Variants in FBXO8 observed in about 807,000 individuals in gnomAD.
FBXO8 encodes F-box protein 8, also known as F-box only protein 8.
A neutral mutation model predicts 33.4 loss-of-function variants in FBXO8; 15 were observed. That is an observed-to-expected ratio of 0.45 (90% confidence interval 0.30 to 0.69). The LOEUF is 0.69. Among genes scored for constraint, FBXO8 ranks in the 30% least tolerant of loss-of-function variants. FBXO8 has a pLI of 0.08. For synonymous variants in FBXO8, 132 were observed against 131.5 expected (o/e 1.00, Z -0.02); for missense variants, 274 against 380.3 (o/e 0.72, Z 2.32).
At chr4:174,273,538 T>C (rs2126447562) in intron 1 of FBXO8, among the ~76,000 whole-genome samples, 1 of 152,194 alleles carries the variant, frequency 6.6e-6, no homozygotes, top group East Asian at 1.9e-4. Flanking sequence ...TTCCTAAACT[T>C]GATAACTGTG....
At position 174,247,137 on chromosome 4, in the gene FBXO8, C is replaced by T. The variant is rs779787074; in HGVS notation, c.457-5919G>A. Among the ~76,000 whole-genome samples, 1 of 151,880 alleles carries T rather than the reference C, an allele frequency of 6.6e-6. No homozygotes were observed. Among genetic ancestry groups the T allele is most frequent in the Non-Finnish European group, 1.5e-5 (1 of 67,930 alleles). On this transcript the variant is annotated intron_variant, in intron 3 of 5. Coordinates refer to ENST00000393674, the MANE Select transcript of FBXO8 (RefSeq NM_012180.3). This position sits in a 1 kb window ranked among gnomAD's most constrained non-coding sequence, Gnocchi z 4.6. Reference sequence around the variant, plus strand: ...TTCTAGAAAATTAGACATGCAAAGCCAAATGAAAAAGTACTGATAATTGGT... The same window carrying T: ...TTCTAGAAAATTAGACATGCAAAGCTAAATGAAAAAGTACTGATAATTGGT...
rs537420787 is a variant in FBXO8, at chr4:174,261,464, G to A, written c.329+1300C>T. On this transcript the variant is annotated intron_variant, in intron 2 of 5. Transcript: ENST00000393674. This position sits in a 1 kb window ranked among gnomAD's most constrained non-coding sequence, Gnocchi z 4.1. The stretch of plus-strand genomic sequence containing the variant: ...GCTAGAAATTAAACTTTTAAAAAAA[G>A]TTCAAACAAACAGAAATTAAGTTAG... Among the ~76,000 whole-genome samples, 2 of 152,012 alleles carry A rather than the reference G, an allele frequency of 1.3e-5. No individual in the cohort carries two copies. Among genetic ancestry groups the A allele is most frequent in the African/African-American group, 4.8e-5 (2 of 41,546 alleles).
At position 174,255,720 on chromosome 4, in the gene FBXO8, C is replaced by G. The variant is rs1462147808; in HGVS notation, c.456+3979G>C. Among the ~76,000 whole-genome samples the G allele has an allele frequency of 6.6e-6, 1 of 152,014 alleles. No individual in the cohort carries two copies. The highest frequency in any genetic ancestry group is 1.5e-5 in the Non-Finnish European group (1 of 67,996). On this transcript the variant is annotated intron_variant, in intron 3 of 5. Transcript: ENST00000393674. The surrounding 1 kb of genome is among the most constrained non-coding windows in gnomAD (Gnocchi z 4.3). ...ATGTTCACTACCAATTTTTCAGATC[C>G]TAAATTTAAAAATAACTACGTCAAG...
chr4:174,257,722 T>C lies in FBXO8; in HGVS notation c.456+1977A>G, dbSNP rs1299967208. 2.0e-5 allele frequency among the ~76,000 whole-genome samples: 3 copies of C among 152,048 alleles called. No individual in the cohort carries two copies. The highest frequency in any genetic ancestry group is 4.4e-5 in the Non-Finnish European group (3 of 67,992). On this transcript the variant is annotated intron_variant, in intron 3 of 5. Coordinates refer to ENST00000393674, the MANE Select transcript of FBXO8 (RefSeq NM_012180.3). The surrounding 1 kb of genome is among the most constrained non-coding windows in gnomAD (Gnocchi z 4.3). ...GTCTCACTCTCACAGCTTATTGCAC[T>C]CTTGACCTCTGGGGCTACATATCTT...
intron 3 of FBXO8, among the ~76,000 whole-genome samples, chr4:174,250,895 A>G (rs1429007760): frequency 2.0e-5 from 3 of 152,194 alleles, no homozygotes; most frequent in Admixed American, 6.5e-5. Flanking sequence ...ACTTAAATCT[A>G]GAAGTAATAT....
rs1736872997 is a variant in FBXO8 at position 174,272,945 on chromosome 4, T to TATC, written c.-8-9846_-8-9845insGAT. ...CCAAAAATCCATAATCTGAATTTAA[T>TATC]AGGGAATATCAGAGAAACTCAAAAG... is the stretch of plus-strand genomic sequence containing the variant. On this transcript the variant is annotated intron_variant, in intron 1 of 5. Transcript: ENST00000393674. This position sits in a 1 kb window ranked among gnomAD's most constrained non-coding sequence, Gnocchi z 4.7. Among the ~76,000 whole-genome samples the TATC allele has an allele frequency of 6.6e-6, 1 of 152,130 alleles. No individual in the cohort carries two copies. The highest frequency in any genetic ancestry group is 2.1e-4 in the South Asian group (1 of 4,830).
chr4:174,280,683 C>T (rs866590972), intron 1 of FBXO8, among the ~76,000 whole-genome samples: 171 of 152,218 alleles, frequency 1.1e-3, no homozygotes, highest in African/African-American at 3.7e-3. Flanking sequence ...CTGGCATATG[C>T]TACAACAAAG....
intron 4 of FBXO8, among the ~76,000 whole-genome samples, chr4:174,240,862 G>A (rs1007440370): frequency 1.3e-5 from 2 of 151,586 alleles, no homozygotes; most frequent in African/African-American, 4.8e-5. Context: ...TTACAAAGAC[G>A]TTGGGCTTCC....
At chr4:174,242,588 C>A (rs1006986957) in intron 3 of FBXO8, among the ~76,000 whole-genome samples, 3 of 151,524 alleles carry the variant, frequency 2.0e-5, no homozygotes, top group Admixed American at 1.3e-4. Flanking sequence ...AACGTGATAA[C>A]GTGAAACTTT....
In FBXO8 at chr4:174,253,824, T is replaced by C. The variant is rs967377931; in HGVS notation, c.456+5875A>G. On this transcript the variant is annotated intron_variant, in intron 3 of 5. Coordinates refer to ENST00000393674, the MANE Select transcript of FBXO8 (RefSeq NM_012180.3). This position sits in a 1 kb window ranked among gnomAD's most constrained non-coding sequence, Gnocchi z 4.5. ...TTCTCCCTAATAAGTATAAGGAATA[T>C]GAGGAGAAAGCTTCTTTTTCTGCCT... Among the ~76,000 whole-genome samples the C allele has an allele frequency of 3.9e-5, 6 of 152,194 alleles. No homozygotes were observed. Among genetic ancestry groups the C allele is most frequent in the Admixed American group, 2.0e-4 (3 of 15,268 alleles).
chr4:174,239,322 A>G (rs1735973772), intron 4 of FBXO8, 132 bp from the exon 5 acceptor site: 1 of 477,908 alleles, frequency 2.1e-6, no homozygotes, highest in Non-Finnish European at 3.6e-6. Context: ...ATCCTATAAA[A>G]GTATATATAA....
chr4:174,280,357 C>A (rs999852445), intron 1 of FBXO8, among the ~76,000 whole-genome samples: 3 of 151,892 alleles, frequency 2.0e-5, no homozygotes, highest in Admixed American at 6.6e-5. Flanking sequence ...TGTGGAGAAA[C>A]TGGAACCCTT....
Position 174,252,037 on chromosome 4 carries a change from T to C in FBXO8, c.456+7662A>G, listed in dbSNP as rs2126424871. Reference sequence around the variant, plus strand: ...AGGCTGGAGTGCAGTGGCATGATCATGGCTCACTGAAGCCTCAACTTCCTG... The same window carrying C: ...AGGCTGGAGTGCAGTGGCATGATCACGGCTCACTGAAGCCTCAACTTCCTG... On this transcript the variant is annotated intron_variant, in intron 3 of 5. Transcript: ENST00000393674. The surrounding 1 kb of genome is among the most constrained non-coding windows in gnomAD (Gnocchi z 5.1). Among the ~76,000 whole-genome samples, 1 of 152,286 alleles carries C rather than the reference T, an allele frequency of 6.6e-6. No homozygotes were observed. The highest frequency in any genetic ancestry group is 1.9e-4 in the East Asian group (1 of 5,182).
chr4:174,274,183 T>C lies in FBXO8; in HGVS notation c.-9+9227A>G, dbSNP rs1201841171. Among the ~76,000 whole-genome samples the C allele has an allele frequency of 1.3e-5, 2 of 152,248 alleles. No homozygotes were observed. The highest frequency in any genetic ancestry group is 2.9e-5 in the Non-Finnish European group (2 of 68,048). On this transcript the variant is annotated intron_variant, in intron 1 of 5. Coordinates refer to ENST00000393674, the MANE Select transcript of FBXO8 (RefSeq NM_012180.3). This position sits in a 1 kb window ranked among gnomAD's most constrained non-coding sequence, Gnocchi z 4.0. ...CTGCTCTTTCAGGCTACTGCTGTTC[T>C]TGTGGAAAGCACACAGGCTTTGATG...
Position 174,251,328 on chromosome 4 carries a change from T to C in FBXO8, c.456+8371A>G, listed in dbSNP as rs920725376. Among the ~76,000 whole-genome samples, 14 of 152,110 alleles carry C rather than the reference T, an allele frequency of 9.2e-5. No homozygotes were observed. The highest frequency in any genetic ancestry group is 8.5e-4 in the Admixed American group (13 of 15,252). On this transcript the variant is annotated intron_variant, in intron 3 of 5. Coordinates refer to ENST00000393674, the MANE Select transcript of FBXO8 (RefSeq NM_012180.3). This position sits in a 1 kb window ranked among gnomAD's most constrained non-coding sequence, Gnocchi z 4.2. ...AATATTCTAGGGCCTGAATCTCTTT[T>C]TCAACCAGATAAAGATTAGAAGAGG...
At position 174,274,969 on chromosome 4, in the gene FBXO8, T is replaced by A. The variant is rs916823997; in HGVS notation, c.-9+8441A>T. On this transcript the variant is annotated intron_variant, in intron 1 of 5. Transcript: ENST00000393674. This position sits in a 1 kb window ranked among gnomAD's most constrained non-coding sequence, Gnocchi z 4.0. Reference sequence around the variant, plus strand: ...TGATCGAATTCATCAAAATAAAAAATTTTTGCTCTTTGAAAGTCTATATTT... The same window carrying A: ...TGATCGAATTCATCAAAATAAAAAAATTTTGCTCTTTGAAAGTCTATATTT... 2.6e-5 allele frequency among the ~76,000 whole-genome samples: 4 copies of A among 152,134 alleles called. No individual in the cohort carries two copies. Among genetic ancestry groups the A allele is most frequent in the Non-Finnish European group, 5.9e-5 (4 of 68,014 alleles).
intron 1 of FBXO8, among the ~76,000 whole-genome samples, chr4:174,279,229 A>G (rs1737019292): frequency 6.6e-6 from 1 of 152,122 alleles, no homozygotes. Context: ...CATTTACAAT[A>G]AACAATCTGA....
Position 174,259,629 on chromosome 4 carries a change from T to C in FBXO8, c.456+70A>G, listed in dbSNP as rs1736500158. On this transcript the variant is annotated intron_variant, in intron 3 of 5. Transcript: ENST00000393674. This position sits in a 1 kb window ranked among gnomAD's most constrained non-coding sequence, Gnocchi z 4.3. ...ACTTTTTGTTTTCCCTGCTAGTTTATGATATTGGAAAGCTGCAGCAAGATA... is the reference window on the plus strand; with the variant it reads ...ACTTTTTGTTTTCCCTGCTAGTTTACGATATTGGAAAGCTGCAGCAAGATA... 2 of 1,544,062 alleles carry C rather than the reference T, an allele frequency of 1.3e-6. No homozygotes were observed. Among genetic ancestry groups the C allele is most frequent in the Non-Finnish European group, 1.7e-6 (2 of 1,149,118 alleles).
rs992221655 is a variant in FBXO8 at position 174,241,444 on chromosome 4, A to G, written c.457-226T>C. Among the ~76,000 whole-genome samples the G allele has an allele frequency of 2.0e-5, 3 of 151,630 alleles. No individual in the cohort carries two copies. The highest frequency in any genetic ancestry group is 1.9e-4 in the East Asian group (1 of 5,196). ...AAATTCAAAGTTAAGACTGTTAAAGAAATCTTATTTAATTTTCTGGCTCAT... is the reference window on the plus strand; with the variant it reads ...AAATTCAAAGTTAAGACTGTTAAAGGAATCTTATTTAATTTTCTGGCTCAT... On this transcript the variant is annotated intron_variant, in intron 3 of 5. Transcript: ENST00000393674. This position sits in a 1 kb window ranked among gnomAD's most constrained non-coding sequence, Gnocchi z 4.2.
Sources: gnomAD v4.1 joint callset for allele counts (sites outside exome capture counted in the v4.1 genomes callset) on GRCh38, gnomAD v4.1.1 for gene constraint, Gnocchi (gnomAD v3.1) non-coding constraint, MANE v1.5 for transcripts, NCBI Gene and HGNC (gene_info 2026-07-23, HGNC 2026-07-21) for gene names.